The following TRAPPC13 variants were observed in gnomAD, a reference collection of about 807,000 sequenced individuals.
The protein encoded by TRAPPC13 is REV7-interacting novel NHEJ regulator 1.
Under a neutral mutation model 54.0 loss-of-function variants are expected in TRAPPC13, and 39 were observed. The observed-to-expected ratio is 0.72, with a 90% CI of 0.56 to 0.94. The LOEUF is 0.94. TRAPPC13 is among the 40% of genes least tolerant of loss of function. TRAPPC13 has a pLI of 0.00. For missense variants in TRAPPC13, 386 were observed against 488.1 expected (o/e 0.79, Z 1.97); for synonymous variants, 148 against 167.7 (o/e 0.88, Z 0.91).
intron 1 of TRAPPC13, among the ~76,000 whole-genome samples, chr5:65,631,379 A>G (rs1393691091): frequency 6.6e-6 from 1 of 151,902 alleles, no homozygotes; most frequent in Non-Finnish European, 1.5e-5. Context: ...TTTTCTTTCT[A>G]ACTTTTATTT....
chr5:65,653,006 T>C (rs912998239), intron 7 of TRAPPC13, among the ~76,000 whole-genome samples: 2 of 151,956 alleles, frequency 1.3e-5, no homozygotes, highest in Non-Finnish European at 2.9e-5. Context: ...AGAATTAGGT[T>C]GCTGAGTTTG....
At chr5:65,651,919 A>C (rs868667187) in intron 6 of TRAPPC13, among the ~76,000 whole-genome samples, 1 of 121,306 alleles carries the variant, frequency 8.2e-6, no homozygotes, top group Non-Finnish European at 1.6e-5. Flanking sequence ...GCTGGAGTGC[A>C]ATGACGCGAT....
At chr5:65,658,120 C>T (rs527571198) in intron 8 of TRAPPC13, 25 of 321,564 alleles carry the variant, frequency 7.8e-5, no homozygotes, top group Non-Finnish European at 1.4e-4. Context: ...GATGTTAAGA[C>T]AAAATATAGT....
At chr5:65,649,303 G>A (rs1318343305) in intron 5 of TRAPPC13, among the ~76,000 whole-genome samples, 4 of 151,854 alleles carry the variant, frequency 2.6e-5, no homozygotes, top group African/African-American at 7.3e-5. Flanking sequence ...GTTTATTTTT[G>A]GTTTTTCACT....
At chr5:65,660,026 G>A (rs999409427) in intron 9 of TRAPPC13, among the ~76,000 whole-genome samples, 10 of 148,144 alleles carry the variant, frequency 6.8e-5, no homozygotes, top group African/African-American at 2.5e-4. Flanking sequence ...GCTTGGGATA[G>A]CATCTGAATT....
chr5:65,647,804 A>C (rs1043744599), intron 5 of TRAPPC13, among the ~76,000 whole-genome samples: 4 of 151,976 alleles, frequency 2.6e-5, no homozygotes, highest in African/African-American at 4.8e-5. Context: ...AATATCTTTC[A>C]TTTATCTCTT....
intron 8 of TRAPPC13, among the ~76,000 whole-genome samples, chr5:65,656,397 G>A (rs1305844454): frequency 1.3e-5 from 2 of 151,966 alleles, no homozygotes; most frequent in East Asian, 1.9e-4. Context: ...AAAAGCAATG[G>A]ATTGATGGGA....
At chr5:65,649,769 TTG>T (rs1156385412) in intron 5 of TRAPPC13, among the ~76,000 whole-genome samples, 4 of 152,214 alleles carry the variant, frequency 2.6e-5, no homozygotes, top group African/African-American at 9.6e-5. Flanking sequence ...TGTTTCTGCT[TTG>T]TAATTGTTTT....
At chr5:65,641,423 G>C (rs1305637431) in intron 4 of TRAPPC13, among the ~76,000 whole-genome samples, 1 of 152,152 alleles carries the variant, frequency 6.6e-6, no homozygotes, top group African/African-American at 2.4e-5. Context: ...ATGTGCATCA[G>C]GCTAGACTCA....
intron 3 of TRAPPC13, 76 bp downstream of exon 3, chr5:65,636,119 G>A: frequency 2.1e-6 from 2 of 940,430 alleles, no homozygotes; most frequent in Non-Finnish European, 3.2e-6. Context: ...ACCATGGGAT[G>A]GGGAAATGCT....
At chr5:65,639,670 A>G (rs1467120514) in intron 4 of TRAPPC13, among the ~76,000 whole-genome samples, 1 of 152,220 alleles carries the variant, frequency 6.6e-6, no homozygotes, top group Non-Finnish European at 1.5e-5. Context: ...AAATTAAATA[A>G]AAAACAGCAG....
intron 1 of TRAPPC13, among the ~76,000 whole-genome samples, chr5:65,633,503 C>G (rs977289627): frequency 6.6e-6 from 1 of 151,764 alleles, no homozygotes; most frequent in African/African-American, 2.4e-5. Context: ...CTCCTGACCT[C>G]GTGATCCGCC....
chr5:65,660,797 G>A lies in TRAPPC13; in HGVS notation c.797G>A (p.Gly266Asp). 1.2e-6 allele frequency: 2 copies of A among 1,613,708 alleles called. No individual in the cohort carries two copies. The highest frequency in any genetic ancestry group is 1.7e-6 in the Non-Finnish European group (2 of 1,179,746). Residue 266 changes from glycine to aspartate, a missense_variant, in exon 10 of 13, where the codon GGC becomes GAC. Physicochemically the swap from Gly to Asp is moderately conservative, Grantham distance 94 (BLOSUM62 -1). Transcript: ENST00000399438. Reference sequence around the variant, plus strand: ...AAGAATGAATTTGCAGAAAAAGCAGGCATCATTAAGGGAGTAACAGTAATT... The same window carrying A: ...AAGAATGAATTTGCAGAAAAAGCAGACATCATTAAGGGAGTAACAGTAATT... ...KPKNEFAEKA[G>D]IIKGVTVIGK...
intron 5 of TRAPPC13, among the ~76,000 whole-genome samples, chr5:65,648,526 G>A (rs1756295849): frequency 6.6e-6 from 1 of 152,100 alleles, no homozygotes; most frequent in South Asian, 2.1e-4. Flanking sequence ...TACAGAAAAT[G>A]AGACTTGTAC....
intron 1 of TRAPPC13, chr5:65,630,583 G>A: frequency 8.7e-7 from 1 of 1,150,192 alleles, no homozygotes; most frequent in Non-Finnish European, 1.1e-6. Context: ...AACTGTGATT[G>A]AATTAGTCAT....
chr5:65,630,260 A>G, intron 1 of TRAPPC13: 2 of 1,535,648 alleles, frequency 1.3e-6, no homozygotes, highest in African/African-American at 2.7e-5. Context: ...ATATGTGGGA[A>G]GTCTTCTTAA....
intron 1 of TRAPPC13, among the ~76,000 whole-genome samples, chr5:65,626,653 G>C (rs1581202075): frequency 6.6e-6 from 1 of 151,386 alleles, no homozygotes; most frequent in South Asian, 2.1e-4. Flanking sequence ...GGAGAATGGC[G>C]TGAACCCGGG....
At chr5:65,643,818 GA>G (rs529875913) in intron 4 of TRAPPC13, among the ~76,000 whole-genome samples, 63 of 49,994 alleles carry the variant, frequency 1.3e-3, no homozygotes, top group South Asian at 2.5e-3. Context: ...CTCCGTCTCA[GA>G]AAAAAAAAAA....
In TRAPPC13 at chr5:65,627,215, TA is replaced by T. The variant is rs11300377; in HGVS notation, c.46+2110del. On this transcript the variant is annotated intron_variant, in intron 1 of 12. Coordinates refer to ENST00000399438, the MANE Select transcript of TRAPPC13 (RefSeq NM_024941.4). ...CAAAATTGACTGATAGTTTCAACTT[TA>T]TTAAACCTCTTTAGTACCATCTTAT... is the stretch of plus-strand genomic sequence containing the variant. Among the ~76,000 whole-genome samples the T allele has an allele frequency of 6.9e-3, 1,044 of 151,358 alleles. 9 individuals carry two copies. Among genetic ancestry groups the T allele is most frequent in the African/African-American group, 0.024 (989 of 41,236 alleles).
Sources: gnomAD v4.1 joint callset for allele counts (sites outside exome capture counted in the v4.1 genomes callset) on GRCh38, gnomAD v4.1.1 for gene constraint, MANE v1.5 for transcripts, NCBI Gene and HGNC (gene_info 2026-07-23, HGNC 2026-07-21) for gene names.